Variants in HMCN1 observed in about 807,000 individuals in gnomAD.
The protein encoded by HMCN1 is hemicentin 1.
HMCN1 carries 321 observed loss-of-function variants against 625.9 expected under a neutral mutation model. That is an observed-to-expected ratio of 0.51 (90% CI 0.47 to 0.56). HMCN1 has a LOEUF of 0.56. HMCN1 is among the 20% of genes least tolerant of loss of function. The pLI, the probability that HMCN1 is intolerant of heterozygous loss-of-function variation, is 0.00. For missense variants in HMCN1, 6,588 were observed against 6,887.3 expected, an observed-to-expected ratio of 0.96 and a Z score of 1.54; for synonymous variants, 2,425 against 2,417.6, an observed-to-expected ratio of 1.00 and a Z score of -0.09.
intron 1 of HMCN1, among the ~76,000 whole-genome samples, chr1:185,778,825 T>C (rs1167530871): frequency 6.6e-6 from 1 of 152,202 alleles, no homozygotes; most frequent in Admixed American, 6.5e-5. Flanking sequence ...TGTGTCTTTA[T>C]AGCAGCATGA....
intron 1 of HMCN1, among the ~76,000 whole-genome samples, chr1:185,781,794 C>T (rs190050562): frequency 1.3e-3 from 202 of 152,142 alleles, no homozygotes; most frequent in African/African-American, 4.5e-3. Context: ...GGAATAAGTG[C>T]GATGTGGTGC....
At chr1:185,963,979 T>C in intron 13 of HMCN1, 84 bp downstream of exon 13, 1 of 1,095,448 alleles carries the variant, frequency 9.1e-7, no homozygotes, top group Non-Finnish European at 1.4e-6. Context: ...GAAATATTAA[T>C]ATTAGTAATG....
chr1:185,983,826 C>T (rs74134258), intron 18 of HMCN1, among the ~76,000 whole-genome samples: 282 of 152,230 alleles, frequency 1.9e-3, no homozygotes, highest in African/African-American at 6.5e-3. Flanking sequence ...GAAAAGAACA[C>T]TTTAAGCCAA....
rs1248346803 is a variant in HMCN1, at chr1:186,088,470, C to T, written c.9578-136C>T. On this transcript the variant is annotated intron_variant, in intron 62 of 106. Transcript: ENST00000271588. ...TTAGTCATTTTATAAAGAATTTTTTCTTTTTTAAAAAAGAAAATGGAGAAC... is the reference window on the plus strand; with the variant it reads ...TTAGTCATTTTATAAAGAATTTTTTTTTTTTTAAAAAAGAAAATGGAGAAC... 15 of 1,360,490 alleles carry T rather than the reference C, an allele frequency of 1.1e-5. No individual in the cohort carries two copies. The East Asian group carries it at 3.5e-4, about 32-fold the overall frequency. The allele number at this position is 1,360,490 out of a possible 1,614,324, so 84.3% of individuals were successfully genotyped here.
rs147357823 is a variant in HMCN1 at position 186,087,580 on chromosome 1, A to G, written c.9298A>G (p.Ile3100Val). Residue 3100 changes from isoleucine (I) to valine (V), a missense_variant, in exon 60 of 107, where the codon ATA becomes GTA. Physicochemically the swap from Ile to Val is conservative, Grantham distance 29. This residue lies in a region of HMCN1 where 4,628 missense variants were observed against 4,853.1 expected (regional missense o/e 0.95). Coordinates refer to ENST00000271588, the MANE Select transcript of HMCN1 (RefSeq NM_031935.3). ...VITWYKNGRM[I>V]TESTHVEILA... ...CACTTGGTATAAGAATGGGCGGATGATAACAGAGTCTACTCATGTGGAGAT... is the reference window on the plus strand; with the variant it reads ...CACTTGGTATAAGAATGGGCGGATGGTAACAGAGTCTACTCATGTGGAGAT... 1.9e-6 allele frequency: 3 copies of G among 1,613,230 alleles called. No individual in the cohort carries two copies. The highest frequency in any genetic ancestry group is 2.2e-5 in the South Asian group (2 of 91,074).
chr1:185,903,242 A>G (rs1050893020), intron 4 of HMCN1, among the ~76,000 whole-genome samples: 2 of 151,712 alleles, frequency 1.3e-5, no homozygotes, highest in Non-Finnish European at 3.0e-5. Flanking sequence ...GCTGTTGTGT[A>G]TTATAAAACT....
chr1:186,145,041 TA>T (rs1558257296), intron 91 of HMCN1, among the ~76,000 whole-genome samples: 1 of 152,250 alleles, frequency 6.6e-6, no homozygotes, highest in Non-Finnish European at 1.5e-5. Context: ...CCTGGATTTT[TA>T]GACCCTTGCA....
chr1:185,959,201 G>C (rs74134228), intron 11 of HMCN1, among the ~76,000 whole-genome samples: 2 of 152,104 alleles, frequency 1.3e-5, no homozygotes, highest in Non-Finnish European at 2.9e-5. Flanking sequence ...TGAAGAAAAA[G>C]TCCTTAGGTA....
At chr1:186,040,431 A>G (rs190693023) in intron 39 of HMCN1, among the ~76,000 whole-genome samples, 2 of 152,282 alleles carry the variant, frequency 1.3e-5, no homozygotes, top group Non-Finnish European at 2.9e-5. Flanking sequence ...TACCTAATAT[A>G]AAGTTTAATT....
intron 1 of HMCN1, among the ~76,000 whole-genome samples, chr1:185,792,606 A>G (rs1309784931): frequency 6.6e-6 from 1 of 152,246 alleles, no homozygotes; most frequent in East Asian, 1.9e-4. Flanking sequence ...GGATTAAGGA[A>G]TAACATTTAT....
At chr1:185,956,546 C>G (rs1455116795) in intron 11 of HMCN1, among the ~76,000 whole-genome samples, 1 of 152,166 alleles carries the variant, frequency 6.6e-6, no homozygotes, top group Non-Finnish European at 1.5e-5. Context: ...GAGCTTCACA[C>G]CATCCTCCAG....
intron 4 of HMCN1, among the ~76,000 whole-genome samples, chr1:185,900,467 G>T (rs1571529430): frequency 6.6e-6 from 1 of 152,048 alleles, no homozygotes; most frequent in African/African-American, 2.4e-5. Context: ...CGTGGTGCCA[G>T]ATTTTAAAAG....
At chr1:186,187,232 C>CG (rs1335387615) in intron 105 of HMCN1, among the ~76,000 whole-genome samples, 36 of 64,486 alleles carry the variant, frequency 5.6e-4, no homozygotes, top group African/African-American at 3.6e-3. Context: ...ATCCCACTAC[C>CG]AAACAACAGA....
chr1:186,033,509 A>G (rs1470518035), intron 36 of HMCN1, among the ~76,000 whole-genome samples: 2 of 152,160 alleles, frequency 1.3e-5, no homozygotes, highest in Non-Finnish European at 2.9e-5. Flanking sequence ...ATATCTCTAA[A>G]TTACTTAATT....
At chr1:186,080,137 TG>T (rs1553290927) in intron 55 of HMCN1, among the ~76,000 whole-genome samples, 1 of 152,242 alleles carries the variant, frequency 6.6e-6, no homozygotes, top group Non-Finnish European at 1.5e-5. Flanking sequence ...TTATATTATC[TG>T]AAGTATAATA....
In HMCN1 at chr1:186,119,239, CT is replaced by C; in HGVS notation, c.11899del (p.Cys3967ValfsTer14). ...ATQLNHAGRYTCVARNAAGSA... is the reference protein window; with the variant it reads ...ATQLNHAGRYXCVARNAAGSA... Reference sequence around the variant, plus strand: ...CAATTAAACCATGCTGGAAGATACACTTGTGTCGCTAGGAATGCGGCTGGCT... The same window carrying C: ...CAATTAAACCATGCTGGAAGATACACTGTGTCGCTAGGAATGCGGCTGGCT... On this transcript the variant is annotated frameshift_variant, in exon 78 of 107. Transcript: ENST00000271588. LOFTEE classifies it high-confidence loss of function. The C allele has an allele frequency of 6.2e-7, 1 of 1,613,966 alleles. No homozygotes were observed. The highest frequency in any genetic ancestry group is 8.5e-7 in the Non-Finnish European group (1 of 1,179,904).
chr1:186,181,889 T>C (rs561092049), intron 104 of HMCN1, among the ~76,000 whole-genome samples: 2 of 152,302 alleles, frequency 1.3e-5, no homozygotes, highest in Non-Finnish European at 2.9e-5. Context: ...ACTTAAGTAA[T>C]ATAAAAATTG....
intron 11 of HMCN1, among the ~76,000 whole-genome samples, chr1:185,941,910 G>C (rs1303884781): frequency 1.3e-5 from 2 of 152,092 alleles, no homozygotes; most frequent in Admixed American, 6.6e-5. Context: ...AGACAAAAAA[G>C]GACTGGGTGT....
intron 1 of HMCN1, among the ~76,000 whole-genome samples, chr1:185,837,944 A>G (rs941138558): frequency 4.6e-5 from 7 of 152,220 alleles, no homozygotes; most frequent in African/African-American, 1.7e-4. Flanking sequence ...ATTGCACACA[A>G]TGAGGGATAG....
Sources: allele counts gnomAD v4.1 joint callset (sites outside exome capture counted in the v4.1 genomes callset), GRCh38; gene constraint gnomAD v4.1.1; regional missense constraint gnomAD v4.1.1; transcripts MANE v1.5; gene names NCBI Gene and HGNC (gene_info 2026-07-23, HGNC 2026-07-21).